Variants in SLC16A9 observed in about 807,000 individuals in gnomAD.
SLC16A9 encodes the protein monocarboxylate transporter 9.
A neutral mutation model predicts 44.3 loss-of-function variants in SLC16A9; 26 were observed. The observed-to-expected ratio is 0.59, with a 90% CI of 0.43 to 0.81. SLC16A9 has a LOEUF of 0.81. SLC16A9 is among the 40% of genes least tolerant of loss of function. The probability of loss-of-function intolerance (pLI) is 0.00; values close to 1 mark genes in which losing one functional copy is unlikely to be tolerated. For missense variants in SLC16A9, 559 were observed against 595.8 expected, an observed-to-expected ratio of 0.94 and a Z score of 0.64; for synonymous variants, 230 against 225.1, an observed-to-expected ratio of 1.02 and a Z score of -0.19.
chr10:59,690,947 T>G (rs1840239334), intron 1 of SLC16A9, among the ~76,000 whole-genome samples: 1 of 152,086 alleles, frequency 6.6e-6, no homozygotes. Context: ...TATCTGGGCA[T>G]GGTGGCACGC....
At chr10:59,683,900 T>C (rs1388724259) in intron 2 of SLC16A9, among the ~76,000 whole-genome samples, 196 bp downstream of exon 2, 1 of 152,240 alleles carries the variant, frequency 6.6e-6, no homozygotes, top group Non-Finnish European at 1.5e-5. Context: ...AATTGATGGT[T>C]GATTTAACAT....
At chr10:59,664,425 T>C (rs1839560896) in intron 3 of SLC16A9, 103 bp from the exon 4 acceptor site, 1 of 649,730 alleles carries the variant, frequency 1.5e-6, no homozygotes, top group South Asian at 2.1e-5. Flanking sequence ...CATTACTCAC[T>C]GGCTAAAACT....
intron 1 of SLC16A9, among the ~76,000 whole-genome samples, chr10:59,706,784 C>A (rs1840647781): frequency 6.6e-6 from 1 of 151,914 alleles, no homozygotes; most frequent in Non-Finnish European, 1.5e-5. Context: ...ACCAGCCTGG[C>A]CAACATGGTG....
chr10:59,704,669 T>C (rs76189639), intron 1 of SLC16A9, among the ~76,000 whole-genome samples: 9,615 of 152,316 alleles, frequency 0.063, 421 homozygotes, highest in African/African-American at 0.11. Context: ...ATCATCTCCC[T>C]GTGTCCCACA....
chr10:59,675,291 C>T (rs141951419), intron 2 of SLC16A9, among the ~76,000 whole-genome samples: 6 of 152,260 alleles, frequency 3.9e-5, no homozygotes, highest in African/African-American at 1.4e-4. Flanking sequence ...GTCAGACCAG[C>T]ATTCTCCCTG....
intron 4 of SLC16A9, among the ~76,000 whole-genome samples, chr10:59,660,250 G>A (rs11006661): frequency 0.12 from 17,829 of 152,034 alleles, 1,182 homozygotes; most frequent in Non-Finnish European, 0.15. Flanking sequence ...TACATAGACC[G>A]CTAGCCAGAC....
Position 59,654,256 on chromosome 10 carries a change from G to A in SLC16A9, c.770C>T (p.Pro257Leu). The A allele has an allele frequency of 6.2e-7, 1 of 1,614,090 alleles. No individual in the cohort carries two copies. The highest frequency in any genetic ancestry group is 8.5e-7 in the Non-Finnish European group (1 of 1,180,018). ...AGGCTCTTTTGTGTGTGTCACTGTG[G>A]GGTTTTTATGAAGTAGGCTGTCTTG... ...WKQDSLLHKN[P>L]TVTHTKEPET... Residue 257 changes from proline (P) to leucine (L), a missense_variant, in exon 5 of 6, where the codon CCC becomes CTC. Physicochemically the swap from Pro to Leu is moderately conservative, Grantham distance 98. Coordinates refer to ENST00000395348, the MANE Select transcript of SLC16A9 (RefSeq NM_194298.3).
intron 2 of SLC16A9, among the ~76,000 whole-genome samples, chr10:59,677,824 G>A (rs1483727467): frequency 2.0e-5 from 3 of 151,676 alleles, no homozygotes; most frequent in Admixed American, 6.6e-5. Flanking sequence ...TTCCCTTTAG[G>A]AAATAAACTC....
chr10:59,707,279 GAA>G (rs1840661925), intron 1 of SLC16A9, among the ~76,000 whole-genome samples: 1 of 27,098 alleles, frequency 3.7e-5, no homozygotes, highest in Non-Finnish European at 7.8e-5. Flanking sequence ...GGAGAGGAGG[GAA>G]GGGAAGGGAA....
chr10:59,666,038 G>A (rs1048662022), intron 3 of SLC16A9, among the ~76,000 whole-genome samples: 1 of 152,116 alleles, frequency 6.6e-6, no homozygotes, highest in African/African-American at 2.4e-5. Context: ...GCTCATGCCT[G>A]TAATCCCAGC....
intron 4 of SLC16A9, among the ~76,000 whole-genome samples, chr10:59,663,074 T>A (rs1030595540): frequency 1.1e-4 from 17 of 152,082 alleles, no homozygotes; most frequent in African/African-American, 4.1e-4. Context: ...ATGTGGCATG[T>A]ATAGGCCAGG....
At chr10:59,704,641 C>A (rs796178235) in intron 1 of SLC16A9, among the ~76,000 whole-genome samples, 39 of 152,210 alleles carry the variant, frequency 2.6e-4, no homozygotes, top group African/African-American at 8.9e-4. Context: ...GGGCCAGACA[C>A]TGAGATACAT....
chr10:59,667,174 T>G (rs1027896314), intron 3 of SLC16A9, among the ~76,000 whole-genome samples: 1 of 152,216 alleles, frequency 6.6e-6, no homozygotes, highest in African/African-American at 2.4e-5. Context: ...TATACTGATA[T>G]GGTATCAGGT....
intron 2 of SLC16A9, among the ~76,000 whole-genome samples, chr10:59,681,795 T>TATG (rs1564706091): frequency 4.8e-4 from 19 of 39,840 alleles, no homozygotes; most frequent in African/African-American, 1.4e-3. Context: ...TGTATATGTA[T>TATG]ATGTATATGT....
intron 1 of SLC16A9, among the ~76,000 whole-genome samples, chr10:59,707,408 C>A (rs994270118): frequency 4.0e-5 from 6 of 151,142 alleles, no homozygotes; most frequent in African/African-American, 7.3e-5. Flanking sequence ...TAGAGTAGAA[C>A]CCTGGTTACC....
intron 4 of SLC16A9, among the ~76,000 whole-genome samples, chr10:59,663,401 G>A (rs549062646): frequency 5.9e-5 from 9 of 151,848 alleles, no homozygotes; most frequent in African/African-American, 1.2e-4. Context: ...AATGTGGCAC[G>A]TACACTCCAC....
intron 3 of SLC16A9, among the ~76,000 whole-genome samples, chr10:59,666,847 A>G (rs994410776): frequency 1.1e-4 from 16 of 150,260 alleles, no homozygotes; most frequent in Non-Finnish European, 2.2e-4. Context: ...AATTGTTACC[A>G]ATGATAAAAT....
At chr10:59,683,023 C>G (rs1173645431) in intron 2 of SLC16A9, among the ~76,000 whole-genome samples, 1 of 152,000 alleles carries the variant, frequency 6.6e-6, no homozygotes, top group East Asian at 1.9e-4. Context: ...AAAGACATCC[C>G]CTTTACAATT....
At chr10:59,694,092 C>A (rs1840314695) in intron 1 of SLC16A9, among the ~76,000 whole-genome samples, 1 of 152,072 alleles carries the variant, frequency 6.6e-6, no homozygotes, top group African/African-American at 2.4e-5. Flanking sequence ...CGCCCGCCAC[C>A]ACGCCCGGTA....
Sources: gnomAD v4.1 joint callset for allele counts (sites outside exome capture counted in the v4.1 genomes callset) on GRCh38, gnomAD v4.1.1 for gene constraint, MANE v1.5 for transcripts, NCBI Gene and HGNC (gene_info 2026-07-23, HGNC 2026-07-21) for gene names.